The following SI variants were observed in gnomAD, a reference collection of about 807,000 sequenced individuals.
SI encodes sucrase-isomaltase, intestinal.
In SI, 235 loss-of-function variants were observed where a neutral mutation model predicts 253.3. The observed-to-expected ratio is 0.93, with a 90% CI of 0.83 to 1.03. The LOEUF is 1.03. Ranked by LOEUF, SI falls within the 50% of genes least tolerant of loss-of-function variation. The pLI is 0.00. For missense variants in SI, 2,442 were observed against 2,211.1 expected (o/e 1.10, Z -2.09); for synonymous variants, 819 against 712.0 (o/e 1.15, Z -2.39).
intron 34 of SI, among the ~76,000 whole-genome samples, chr3:165,012,131 A>C (rs1428038189): frequency 6.6e-6 from 1 of 152,190 alleles, no homozygotes; most frequent in East Asian, 1.9e-4. Flanking sequence ...TGAGTGAAAT[A>C]AACCAGTAAC....
chr3:165,084,276 G>C, the SI span, among the ~76,000 whole-genome samples: 1 of 152,012 alleles, frequency 6.6e-6, no homozygotes, highest in Non-Finnish European at 1.5e-5. Context: ...CAACACCCAT[G>C]ATTGTGGGAA....
chr3:165,036,743 T>C (rs1712554744), intron 21 of SI, among the ~76,000 whole-genome samples: 1 of 151,856 alleles, frequency 6.6e-6, no homozygotes, highest in Admixed American at 6.6e-5. Context: ...AAGGCTGAGA[T>C]ACTTGCAAAA....
rs992999866 is a variant in SI, at chr3:164,987,038, A to G, written c.5197+100T>C. The stretch of plus-strand genomic sequence containing the variant: ...TCTTTTAGCCTTGAATAATATTAAT[A>G]GCTTTGTACTCAGCTTCCAAAGAAC... On this transcript the variant is annotated intron_variant, in intron 45 of 47. Transcript: ENST00000264382. 1.6e-5 allele frequency: 15 copies of G among 915,968 alleles called. No homozygotes were observed. The African/African-American group carries it at 2.5e-4, about 15-fold the overall frequency. The allele number at this position is 915,968 out of a possible 1,614,324, so 56.7% of individuals were successfully genotyped here. A position where few individuals can be genotyped will look rare whatever the true frequency, so the allele number is the denominator to read the frequency against.
chr3:165,056,899 T>C (rs1713719099), intron 12 of SI, among the ~76,000 whole-genome samples: 1 of 152,002 alleles, frequency 6.6e-6, no homozygotes, highest in East Asian at 1.9e-4. Context: ...TGAAGACTAT[T>C]ATAAATACCT....
At chr3:165,057,417 T>C (rs1324544236) in intron 12 of SI, among the ~76,000 whole-genome samples, 1 of 151,664 alleles carries the variant, frequency 6.6e-6, no homozygotes, top group South Asian at 2.1e-4. Flanking sequence ...AGAAAGTATA[T>C]TGAAAGGGAA....
chr3:165,085,956 T>C, the SI span, among the ~76,000 whole-genome samples: 1 of 152,044 alleles, frequency 6.6e-6, no homozygotes, highest in Non-Finnish European at 1.5e-5. Context: ...ACTCAAATTA[T>C]ATTAAAAGAA....
At chr3:165,087,628 A>G in the SI span, among the ~76,000 whole-genome samples, 1 of 152,178 alleles carries the variant, frequency 6.6e-6, no homozygotes, top group Non-Finnish European at 1.5e-5. Context: ...ACATTCCACA[A>G]CAAAGGCCTA....
At chr3:164,989,462 G>A (rs189955103) in intron 44 of SI, among the ~76,000 whole-genome samples, 1 of 125,016 alleles carries the variant, frequency 8.0e-6, no homozygotes, top group African/African-American at 2.6e-5. Context: ...GGAGAGGAGA[G>A]GAGAAGAGAG....
chr3:165,042,276 AT>A (rs909269321), intron 17 of SI, among the ~76,000 whole-genome samples: 2 of 151,960 alleles, frequency 1.3e-5, no homozygotes, highest in African/African-American at 2.4e-5. Flanking sequence ...GTACCTTTTA[AT>A]TTTTTTCCAT....
chr3:165,039,252 T>A (rs1438992007), intron 19 of SI, 118 bp from the exon 20 acceptor site: 2 of 669,772 alleles, frequency 3.0e-6, no homozygotes, highest in African/African-American at 3.6e-5. Context: ...TACACTCCAA[T>A]ATTTCCTATA....
intron 34 of SI, among the ~76,000 whole-genome samples, chr3:165,011,450 C>A (rs186658787): frequency 6.6e-6 from 1 of 152,098 alleles, no homozygotes; most frequent in Admixed American, 6.6e-5. Flanking sequence ...AGTTTAATTT[C>A]ATTGTGGCTG....
intron 38 of SI, among the ~76,000 whole-genome samples, chr3:164,997,144 G>T (rs554811966): frequency 2.8e-4 from 43 of 151,502 alleles, no homozygotes; most frequent in Non-Finnish European, 6.1e-4. Flanking sequence ...TTGAACTATA[G>T]GTTCAACTGG....
intron 15 of SI, among the ~76,000 whole-genome samples, chr3:165,048,519 G>C (rs1713244067): frequency 6.8e-6 from 1 of 146,448 alleles, no homozygotes; most frequent in Non-Finnish European, 1.5e-5. Flanking sequence ...TTAAATCTAG[G>C]AGTTACAAAA....
chr3:165,000,729 A>G (rs1718221037), intron 37 of SI, among the ~76,000 whole-genome samples: 1 of 151,428 alleles, frequency 6.6e-6, no homozygotes, highest in Admixed American at 6.6e-5. Flanking sequence ...CGGTAAATAT[A>G]TTCTAATTAT....
chr3:165,052,524 A>C (rs1708829554), intron 13 of SI, among the ~76,000 whole-genome samples: 1 of 151,966 alleles, frequency 6.6e-6, no homozygotes, highest in Admixed American at 6.6e-5. Context: ...GGCGTGGTGA[A>C]GTGCACCTGT....
At chr3:165,086,737 A>G in the SI span, among the ~76,000 whole-genome samples, 1 of 152,202 alleles carries the variant, frequency 6.6e-6, no homozygotes, top group Non-Finnish European at 1.5e-5. Context: ...GAGTTACAGG[A>G]TATTAGCTCT....
chr3:165,086,275 T>A, the SI span, among the ~76,000 whole-genome samples: 1 of 151,814 alleles, frequency 6.6e-6, no homozygotes, highest in Non-Finnish European at 1.5e-5. Flanking sequence ...AAATCCTAAT[T>A]GAGAAAAAAA....
At chr3:165,058,674 A>G (rs1713821719) in intron 12 of SI, among the ~76,000 whole-genome samples, 1 of 151,984 alleles carries the variant, frequency 6.6e-6, no homozygotes, top group Non-Finnish European at 1.5e-5. Context: ...AATACCTAGA[A>G]GAAATGCATA....
At chr3:165,042,013 C>A (rs114988399) in intron 17 of SI, among the ~76,000 whole-genome samples, 5 of 152,204 alleles carry the variant, frequency 3.3e-5, no homozygotes, top group African/African-American at 1.2e-4. Flanking sequence ...AACCACCTTC[C>A]TTCCCTTCAT....
Sources: allele counts gnomAD v4.1 joint callset (sites outside exome capture counted in the v4.1 genomes callset), GRCh38; gene constraint gnomAD v4.1.1; transcripts MANE v1.5; gene names NCBI Gene and HGNC (gene_info 2026-07-23, HGNC 2026-07-21).